LONP1: variants seen among roughly 807,000 people sequenced by gnomAD.
LONP1 encodes the protein lon peptidase 1, mitochondrial.
LONP1 carries 31 observed loss-of-function variants against 98.5 expected under a neutral mutation model. That is an observed-to-expected ratio of 0.31 (90% CI 0.24 to 0.42). The LOEUF is 0.42. LONP1 is among the 20% of genes least tolerant of loss of function. The pLI, the probability that LONP1 is intolerant of heterozygous loss-of-function variation, is 1.00. For synonymous variants in LONP1, 781 were observed against 594.7 expected (o/e 1.31, Z -4.56); for missense variants, 1,336 against 1,350.6 (o/e 0.99, Z 0.17).
chr19:5,713,783 G>T (rs2145627707), intron 2 of LONP1, among the ~76,000 whole-genome samples: 2 of 152,176 alleles, frequency 1.3e-5, no homozygotes, highest in South Asian at 4.2e-4. Flanking sequence ...GACTGCTTTG[G>T]AACTCCTGAC....
At position 5,719,865 on chromosome 19, in the gene LONP1, C is replaced by G. The variant is rs377239369; in HGVS notation, c.268G>C (p.Ala90Pro). 491 of 1,595,618 alleles carry G rather than the reference C, an allele frequency of 3.1e-4. 2 individuals are homozygous for G. The highest frequency in any genetic ancestry group is 1.7e-4 in the Admixed American group (10 of 57,294). Reference sequence around the variant, plus strand: ...CCCGCGCCGCCGGCTCCTTCCTCCGCGCCGCCCTCGGAGGCGTCCTCGCCC... The same window carrying G: ...CCCGCGCCGCCGGCTCCTTCCTCCGGGCCGCCCTCGGAGGCGTCCTCGCCC... ...SGGEDASEGG[A>P]EEGAGGAGGS... Residue 90 changes from alanine (A) to proline (P), a missense_variant, in exon 1 of 18, where the codon GCG becomes CCG. Physicochemically the swap from Ala to Pro is conservative, Grantham distance 27 (BLOSUM62 -1). Around this residue, in one of 5 missense-constraint regions of LONP1, gnomAD observed 457 missense variants for 403.1 expected, o/e 1.13. Transcript: ENST00000360614.
chr19:5,707,649 G>C, intron 6 of LONP1, 48 bp downstream of exon 6: 2 of 1,580,640 alleles, frequency 1.3e-6, no homozygotes, highest in Non-Finnish European at 1.7e-6. Flanking sequence ...CATAGTGGAG[G>C]TGGGGTGCAG....
upstream of LONP1, chr19:5,720,202 G>A (rs1350588764): frequency 2.9e-6 from 4 of 1,383,952 alleles, no homozygotes. Context: ...CGTGACGCCC[G>A]GCGCGTGCCT....
At chr19:5,706,997 CTGA>C in intron 7 of LONP1, 60 bp downstream of exon 7, 1 of 1,384,584 alleles carries the variant, frequency 7.2e-7, no homozygotes, top group Non-Finnish European at 1.0e-6. Flanking sequence ...CAGAGCCTGA[CTGA>C]TGTCACGTGG....
chr19:5,694,519 C>T lies in LONP1; in HGVS notation c.2188G>A (p.Gly730Ser), dbSNP rs748276414. The change falls in exon 15 of 18, where the codon GGC (glycine) becomes AGC (serine). Residue 730 changes from glycine to serine, a missense_variant. Gly to Ser is a moderately conservative substitution (Grantham distance 56). Coordinates refer to ENST00000360614, the MANE Select transcript of LONP1 (RefSeq NM_004793.4). ...GTCACCTCCACGGACTCGGCCTCGC[C>T]GCTGACAATCTTGTAGGCCGATTTC... ...LRKSAYKIVSGEAESVEVTPE... is the reference protein window; with the variant it reads ...LRKSAYKIVSSEAESVEVTPE... 9.9e-6 allele frequency: 16 copies of T among 1,613,040 alleles called. No individual in the cohort carries two copies. The highest frequency in any genetic ancestry group is 2.2e-5 in the East Asian group (1 of 44,890).
chr19:5,720,403 T>A, upstream of LONP1: 1 of 584,244 alleles, frequency 1.7e-6, no homozygotes, highest in Non-Finnish European at 2.9e-6. Context: ...ACACTGGTAG[T>A]GTTGCAAACG....
At chr19:5,708,468 G>GGGGGCA in intron 4 of LONP1, 65 bp from the exon 5 acceptor site, 1 of 551,266 alleles carries the variant, frequency 1.8e-6, no homozygotes, top group Non-Finnish European at 3.4e-6. Flanking sequence ...GGCTGGGTGG[G>GGGGGCA]AGCATGGCCC....
chr19:5,712,982 ACT>A, intron 3 of LONP1, 150 bp downstream of exon 3: 1 of 1,025,912 alleles, frequency 9.7e-7, no homozygotes, highest in Non-Finnish European at 1.4e-6. Flanking sequence ...GACATGTCTC[ACT>A]CTCACCCCCA....
chr19:5,697,701 GGTTTTGCTGCT>G (rs2054964724), intron 10 of LONP1, among the ~76,000 whole-genome samples: 1 of 151,854 alleles, frequency 6.6e-6, no homozygotes, highest in Non-Finnish European at 1.5e-5. Flanking sequence ...GGCAAAGGAG[GGTTTTGCTGCT>G]GTTAATAACA....
chr19:5,708,875 T>TGATGGCGGGCGC (rs2055191040), intron 4 of LONP1: 1 of 153,818 alleles, frequency 6.5e-6, no homozygotes, highest in African/African-American at 2.4e-5. Context: ...TAGGCGGGCG[T>TGATGGCGGGCGC]GATGGCGGGC....
rs749848982 is a variant in LONP1 at position 5,693,480 on chromosome 19, G to T, written c.2539-18C>A. 2 of 1,611,494 alleles carry T rather than the reference G, an allele frequency of 1.2e-6. No individual in the cohort carries two copies. The highest frequency in any genetic ancestry group is 1.7e-6 in the Non-Finnish European group (2 of 1,178,344). ...GTGGCGCCCTGTGGAGGCATGTGGG[G>T]ATAGTGGGTGAGCAGGTGGCCAGCA... On this transcript the variant is annotated intron_variant, in intron 16 of 17. Coordinates refer to ENST00000360614, the MANE Select transcript of LONP1 (RefSeq NM_004793.4).
intron 4 of LONP1, among the ~76,000 whole-genome samples, chr19:5,710,950 T>C (rs939562147): frequency 2.0e-5 from 3 of 151,738 alleles, no homozygotes; most frequent in Admixed American, 6.6e-5. Context: ...CACTTGAACC[T>C]GGGAGGTGGA....
intron 5 of LONP1, 43 bp downstream of exon 5, chr19:5,708,299 C>G: frequency 6.3e-7 from 1 of 1,590,654 alleles, no homozygotes; most frequent in Non-Finnish European, 8.6e-7. Context: ...GAAAGAGCTG[C>G]AGAGATGCCC....
rs150782036 is a variant in LONP1, at chr19:5,692,035, C to T, written c.2877G>A (p.Arg959=). The T allele has an allele frequency of 1.4e-5, 23 of 1,611,590 alleles. No homozygotes were observed. Among genetic ancestry groups the T allele is most frequent in the African/African-American group, 8.0e-5 (6 of 74,900 alleles). ...GCCTGCAGTCCCGGGGTGGCCGTCA[C>T]CGTTCCACGGCCAGCGCCTCTGCCT... ...DEQAEALAVE[R] The change falls in exon 18 of 18, where the codon CGG becomes CGA. Residue 959 remains arginine, a synonymous_variant. Coordinates refer to ENST00000360614, the MANE Select transcript of LONP1 (RefSeq NM_004793.4).
At chr19:5,694,651 G>A in intron 14 of LONP1, 99 bp from the exon 15 acceptor site, 1 of 1,564,230 alleles carries the variant, frequency 6.4e-7, no homozygotes, top group South Asian at 1.2e-5. Context: ...GCGCGGGGTG[G>A]TGGGGTGATG....
chr19:5,691,904 G>C lies in LONP1; in HGVS notation c.*128C>G, dbSNP rs541305702. The C allele has an allele frequency of 9.4e-7, 1 of 1,068,138 alleles. No homozygotes were observed. The highest frequency in any genetic ancestry group is 1.6e-5 in the South Asian group (1 of 63,700). The allele number at this position is 1,068,138 out of a possible 1,614,324, so 66.2% of individuals were successfully genotyped here. On this transcript the variant is annotated 3_prime_UTR_variant, in exon 18 of 18. Transcript: ENST00000360614. Reference sequence around the variant, plus strand: ...TGATTAAGCCGACTGAGGTCCCTGGGATCTGGGTCACTGGACCGAGCTGCT... The same window carrying C: ...TGATTAAGCCGACTGAGGTCCCTGGCATCTGGGTCACTGGACCGAGCTGCT...
At chr19:5,697,323 C>G (rs1165220520) in intron 10 of LONP1, among the ~76,000 whole-genome samples, 2 of 151,656 alleles carry the variant, frequency 1.3e-5, no homozygotes, top group Non-Finnish European at 2.9e-5. Flanking sequence ...TTTAAGTGTG[C>G]AGGGGGGTAA....
Position 5,694,754 on chromosome 19 carries a change from C to T in LONP1, c.2154+7G>A, listed in dbSNP as rs374986974. 8.8e-5 allele frequency: 140 copies of T among 1,585,210 alleles called. No homozygotes were observed. The African/African-American group carries it at 1.6e-3, about 18-fold the overall frequency. The stretch of plus-strand genomic sequence containing the variant: ...GCAGGTGCCAGGAGGGCGGGCTGGC[C>T]GCTCACCTTCTCCACTTGCTTCTGC... On this transcript the variant is annotated splice_region_variant and intron_variant, in intron 14 of 17. Coordinates refer to ENST00000360614, the MANE Select transcript of LONP1 (RefSeq NM_004793.4).
Position 5,707,839 on chromosome 19 carries a change from G to C in LONP1, c.933-13C>G. ...CAGCACTGACTCCCTGGGGGACAAA[G>C]GGAGCTGCCTCGGTGGCCAGGGCCT... On this transcript the variant is annotated splice_polypyrimidine_tract_variant and intron_variant, in intron 5 of 17. Transcript: ENST00000360614. 9 of 1,612,414 alleles carry C rather than the reference G, an allele frequency of 5.6e-6. No homozygotes were observed. The highest frequency in any genetic ancestry group is 7.6e-6 in the Non-Finnish European group (9 of 1,179,630).
Sources: gnomAD v4.1 joint callset for allele counts (sites outside exome capture counted in the v4.1 genomes callset) on GRCh38, gnomAD v4.1.1 for gene constraint, gnomAD v4.1.1 regional missense constraint, MANE v1.5 for transcripts, NCBI Gene and HGNC (gene_info 2026-07-23, HGNC 2026-07-21) for gene names.